GALNT17: variants seen among roughly 807,000 people sequenced by gnomAD.
GALNT17 encodes the protein polypeptide N-acetylgalactosaminyltransferase 17.
In GALNT17, 29 loss-of-function variants were observed where a neutral mutation model predicts 63.7. The ratio of observed to expected loss-of-function variants is 0.46; its 90% CI spans 0.34 to 0.62. GALNT17 has a LOEUF of 0.62. GALNT17 is among the 20% of genes least tolerant of loss of function. The pLI is 0.01. For missense variants in GALNT17, 603 were observed against 799.6 expected, an observed-to-expected ratio of 0.75 and a Z score of 2.97; for synonymous variants, 305 against 318.3, an observed-to-expected ratio of 0.96 and a Z score of 0.45.
At chr7:71,141,191 A>G (rs1787883311) in intron 1 of GALNT17, among the ~76,000 whole-genome samples, 1 of 151,452 alleles carries the variant, frequency 6.6e-6, no homozygotes, top group African/African-American at 2.4e-5. Flanking sequence ...ACATGGCGAA[A>G]CCCCATCTCT....
At chr7:71,402,670 G>T (rs944865389) in intron 3 of GALNT17, among the ~76,000 whole-genome samples, 3 of 152,110 alleles carry the variant, frequency 2.0e-5, no homozygotes, top group African/African-American at 7.2e-5. Flanking sequence ...TGTATTCAAA[G>T]GTTGAAAGCA....
chr7:71,478,812 G>A (rs375137604), intron 5 of GALNT17, among the ~76,000 whole-genome samples: 14 of 152,288 alleles, frequency 9.2e-5, no homozygotes, highest in African/African-American at 3.4e-4. Flanking sequence ...AAGAAGGAGA[G>A]ACATTTAACT....
intron 5 of GALNT17, among the ~76,000 whole-genome samples, chr7:71,456,195 G>A (rs967413344): frequency 3.3e-5 from 5 of 151,882 alleles, no homozygotes; most frequent in South Asian, 2.1e-4. Flanking sequence ...GCAGTGAGGC[G>A]AGATCGCACC....
intron 1 of GALNT17, among the ~76,000 whole-genome samples, chr7:71,237,478 C>A (rs1217305348): frequency 1.4e-5 from 2 of 142,684 alleles, no homozygotes; most frequent in African/African-American, 5.3e-5. Context: ...GAGTCTGAGA[C>A]CAACTTGGCC....
intron 9 of GALNT17, among the ~76,000 whole-genome samples, chr7:71,698,981 G>A (rs1439959609): frequency 6.6e-6 from 1 of 151,514 alleles, no homozygotes; most frequent in African/African-American, 2.4e-5. Flanking sequence ...AGACCAGCCT[G>A]GGCAACATGG....
rs1446157487 is a variant in GALNT17, at chr7:71,408,900, G to GTA, written c.590-6988_590-6987insAT. Among the ~76,000 whole-genome samples the GTA allele has an allele frequency of 4.8e-3, 731 of 151,358 alleles. 7 individuals carry two copies. Among genetic ancestry groups the GTA allele is most frequent in the African/African-American group, 0.013 (545 of 41,132 alleles). On this transcript the variant is annotated intron_variant, in intron 3 of 10. Transcript: ENST00000333538. ...TCTCTGTCTCTGTATATGTGTGTGT[G>GTA]TGTGTATGTATGTATGTATGTATGT...
At chr7:71,581,750 G>C (rs1789638334) in intron 6 of GALNT17, among the ~76,000 whole-genome samples, 1 of 152,166 alleles carries the variant, frequency 6.6e-6, no homozygotes, top group Non-Finnish European at 1.5e-5. Flanking sequence ...GGTAGGGTAG[G>C]TTTGTCAGTG....
intron 1 of GALNT17, among the ~76,000 whole-genome samples, chr7:71,184,408 C>T (rs970060300): frequency 6.6e-6 from 1 of 152,160 alleles, no homozygotes; most frequent in African/African-American, 2.4e-5. Context: ...CTGGCCTCTC[C>T]AGCTCTGCTC....
chr7:71,335,813 A>G, intron 2 of GALNT17, 80 bp downstream of exon 2: 1 of 1,238,144 alleles, frequency 8.1e-7, no homozygotes, highest in Non-Finnish European at 1.1e-6. Flanking sequence ...GATATTTTCC[A>G]CTGTTATTTG....
At chr7:71,699,181 A>AAAAG (rs1194974017) in intron 9 of GALNT17, among the ~76,000 whole-genome samples, 1 of 112,144 alleles carries the variant, frequency 8.9e-6, no homozygotes, top group Non-Finnish European at 1.9e-5. Flanking sequence ...CAAAAAAAAA[A>AAAAG]AAAAAAAAAA....
chr7:71,566,919 C>T (rs1284617988), intron 5 of GALNT17, among the ~76,000 whole-genome samples: 1 of 152,088 alleles, frequency 6.6e-6, no homozygotes, highest in Non-Finnish European at 1.5e-5. Flanking sequence ...GTACATCTGC[C>T]TCCTCCTTCT....
At chr7:71,153,565 T>C (rs1788173241) in intron 1 of GALNT17, among the ~76,000 whole-genome samples, 1 of 151,920 alleles carries the variant, frequency 6.6e-6, no homozygotes. Context: ...TGGGAAGCCA[T>C]GAAAAATTCA....
rs144874912 is a variant in GALNT17 at position 71,230,479 on chromosome 7, C to T, written c.238+97439C>T. ...AACAACAGCTTTCTCTTCTTTTCCA[C>T]GCACACCCCCTCCCCTGCCACCAGC... On this transcript the variant is annotated intron_variant, in intron 1 of 10. Transcript: ENST00000333538. 5.4e-4 allele frequency among the ~76,000 whole-genome samples: 82 copies of T among 152,192 alleles called. 1 individual carries two copies. The highest frequency in any genetic ancestry group is 1.5e-3 in the African/African-American group (63 of 41,538).
intron 1 of GALNT17, among the ~76,000 whole-genome samples, chr7:71,186,680 A>G (rs1788856904): frequency 1.3e-5 from 2 of 152,210 alleles, no homozygotes; most frequent in South Asian, 2.1e-4. Context: ...GCTCACTATT[A>G]TGAAAACTGT....
At chr7:71,459,931 C>T (rs1294771646) in intron 5 of GALNT17, among the ~76,000 whole-genome samples, 1 of 152,150 alleles carries the variant, frequency 6.6e-6, no homozygotes, top group East Asian at 1.9e-4. Context: ...GGTCTTTAGA[C>T]ACACTCAACC....
chr7:71,289,501 C>T (rs1021844732), intron 1 of GALNT17, among the ~76,000 whole-genome samples: 2 of 151,598 alleles, frequency 1.3e-5, no homozygotes, highest in African/African-American at 4.8e-5. Flanking sequence ...TTTGGGAGGC[C>T]GAGGAGGGCG....
intron 1 of GALNT17, among the ~76,000 whole-genome samples, chr7:71,312,911 G>T (rs1394194552): frequency 6.6e-6 from 1 of 152,060 alleles, no homozygotes; most frequent in African/African-American, 2.4e-5. Flanking sequence ...GGAGTTCAAG[G>T]CCAGCCTGGG....
In GALNT17 at chr7:71,712,118, G is replaced by A; in HGVS notation, c.1769G>A (p.Arg590Lys). The A allele has an allele frequency of 6.2e-7, 1 of 1,613,894 alleles. No individual in the cohort carries two copies. Among genetic ancestry groups the A allele is most frequent in the Non-Finnish European group, 8.5e-7 (1 of 1,179,908 alleles). ...DLILRSCTGQ[R>K]WTIKNSIK ...ATCCTCCGCAGCTGCACAGGTCAGA[G>A]GTGGACCATTAAGAACTCCATCAAG... is the stretch of plus-strand genomic sequence containing the variant. Residue 590 changes from arginine (R) to lysine (K), a missense_variant, in exon 11 of 11, where the codon AGG becomes AAG. Around this residue, in one of 3 missense-constraint regions of GALNT17, gnomAD observed 72 missense variants for 76.9 expected, o/e 0.94. Coordinates refer to ENST00000333538, the MANE Select transcript of GALNT17 (RefSeq NM_022479.3).
At chr7:71,169,712 C>A (rs546506441) in intron 1 of GALNT17, among the ~76,000 whole-genome samples, 1 of 152,044 alleles carries the variant, frequency 6.6e-6, no homozygotes, top group South Asian at 2.1e-4. Flanking sequence ...CATGCCATCA[C>A]GCCTGGCTAA....
Sources: gnomAD v4.1 joint callset for allele counts (sites outside exome capture counted in the v4.1 genomes callset) on GRCh38, gnomAD v4.1.1 for gene constraint, gnomAD v4.1.1 regional missense constraint, MANE v1.5 for transcripts, NCBI Gene and HGNC (gene_info 2026-07-23, HGNC 2026-07-21) for gene names.